The following BEAN1 variants were observed in gnomAD, a reference collection of about 807,000 sequenced individuals.
The protein encoded by BEAN1 is protein BEAN1.
In BEAN1, 17 loss-of-function variants were observed where a neutral mutation model predicts 17.7. The ratio of observed to expected loss-of-function variants is 0.96; its 90% CI spans 0.66 to 1.44. The LOEUF (loss-of-function observed/expected upper bound fraction) is 1.44, where lower values mean the gene tolerates loss of function less well. Among genes scored for constraint, BEAN1 ranks in the 40% most tolerant of loss-of-function variants. The probability of loss-of-function intolerance (pLI) is 0.00; values close to 1 mark genes in which losing one functional copy is unlikely to be tolerated. For synonymous variants in BEAN1, 142 were observed against 151.8 expected (o/e 0.94, Z 0.47); for missense variants, 359 against 374.1 (o/e 0.96, Z 0.33).
intron 2 of BEAN1, chr16:66,438,011 T>C (rs1962098218): frequency 6.7e-6 from 3 of 447,672 alleles, no homozygotes; most frequent in Admixed American, 3.6e-5. Flanking sequence ...AAAGACTACA[T>C]GGCCAAGTAA....
chr16:66,482,894 T>C, downstream of BEAN1: 2 of 456,276 alleles, frequency 4.4e-6, no homozygotes, highest in Non-Finnish European at 8.8e-6. Context: ...TCTCACTCAG[T>C]CGCCTACGCT....
downstream of BEAN1, among the ~76,000 whole-genome samples, chr16:66,487,657 C>T (rs1363635643): frequency 6.6e-6 from 1 of 152,188 alleles, no homozygotes; most frequent in Non-Finnish European, 1.5e-5. Flanking sequence ...CTCTGAGCAA[C>T]TAAGCTCTGC....
intron 4 of BEAN1, 107 bp from the exon 5 acceptor site, chr16:66,480,478 TG>T: frequency 1.1e-6 from 1 of 910,268 alleles, no homozygotes; most frequent in Non-Finnish European, 1.6e-6. Flanking sequence ...AGGCCCACCC[TG>T]GTCCACAGCC....
chr16:66,464,905 T>C (rs1963210955), intron 2 of BEAN1, among the ~76,000 whole-genome samples: 1 of 152,206 alleles, frequency 6.6e-6, no homozygotes, highest in Non-Finnish European at 1.5e-5. Flanking sequence ...CTTGCCTAAA[T>C]TGCCCTGGCT....
rs866322986 is a variant in BEAN1 at position 66,434,955 on chromosome 16, T to C, written c.-82-2640T>C. On this transcript the variant is annotated intron_variant, in intron 1 of 4. Transcript: ENST00000536005. The surrounding 1 kb of genome is among the most constrained non-coding windows in gnomAD (Gnocchi z 4.3). ...CGAGGAGCTACTGGTCTAGAATAAT[T>C]TAGATCCGGAGTTGTCCTGGAAGGG... Among the ~76,000 whole-genome samples the C allele has an allele frequency of 6.6e-6, 1 of 152,044 alleles. No individual in the cohort carries two copies. Among genetic ancestry groups the C allele is most frequent in the Non-Finnish European group, 1.5e-5 (1 of 68,012 alleles).
At chr16:66,480,153 G>C (rs570106730) in intron 4 of BEAN1, among the ~76,000 whole-genome samples, 1 of 152,132 alleles carries the variant, frequency 6.6e-6, no homozygotes, top group Admixed American at 6.5e-5. Context: ...GCATCTGTGG[G>C]TTCAGAGGGG....
chr16:66,469,959 G>T, intron 3 of BEAN1, 94 bp downstream of exon 3: 1 of 1,448,118 alleles, frequency 6.9e-7, no homozygotes, highest in Non-Finnish European at 9.2e-7. Flanking sequence ...GCCCTGGGTG[G>T]AGCAGGGTGG....
At chr16:66,467,577 A>G (rs1334081331) in intron 2 of BEAN1, among the ~76,000 whole-genome samples, 1 of 152,202 alleles carries the variant, frequency 6.6e-6, no homozygotes, top group Non-Finnish European at 1.5e-5. Context: ...AGGGATTACA[A>G]TTAAAGGTGA....
chr16:66,495,018 A>G (rs1964226501), downstream of BEAN1, among the ~76,000 whole-genome samples: 1 of 152,212 alleles, frequency 6.6e-6, no homozygotes, highest in Non-Finnish European at 1.5e-5. Context: ...AGGTCCCTTC[A>G]GGGTGCAAAG....
chr16:66,448,202 T>A (rs142360082), intron 2 of BEAN1, among the ~76,000 whole-genome samples: 15 of 142,508 alleles, frequency 1.1e-4, no homozygotes, highest in African/African-American at 4.0e-4. Context: ...AGAGATGCTC[T>A]AGGGTTTGCT....
Position 66,476,604 on chromosome 16 carries a change from T to A in BEAN1, c.290-956T>A, listed in dbSNP as rs1338577856. ...CTGTTCCCATCCAGGACGATACATG[T>A]CAGAAACTGGGCTGTAGAGAGCTTA... On this transcript the variant is annotated intron_variant, in intron 3 of 4. Coordinates refer to ENST00000536005, the MANE Select transcript of BEAN1 (RefSeq NM_001178020.3). Among the ~76,000 whole-genome samples the A allele has an allele frequency of 2.6e-5, 4 of 152,170 alleles. No homozygotes were observed. The East Asian group carries it at 7.7e-4, about 29-fold the overall frequency.
intron 2 of BEAN1, among the ~76,000 whole-genome samples, chr16:66,452,788 A>C (rs932079425): frequency 3.4e-5 from 5 of 145,126 alleles, no homozygotes; most frequent in Non-Finnish European, 6.1e-5. Flanking sequence ...TGGCAGACTC[A>C]CTTACCCCAA....
rs560769176 is a variant in BEAN1, at chr16:66,469,653, C to T, written c.77C>T (p.Ser26Leu). The T allele has an allele frequency of 6.5e-6, 10 of 1,535,966 alleles. No homozygotes were observed. The highest frequency in any genetic ancestry group is 3.6e-5 in the South Asian group (3 of 84,048). Residue 26 changes from serine to leucine, a missense_variant, in exon 3 of 5, where the codon TCG (serine) becomes TTG (leucine). Transcript: ENST00000536005. The part of the protein sequence containing the change: ...SYFYPTFSES[S>L]EHSHLLVSPV... ...TTCTACCCCACATTCTCAGAGAGCTCGGAGCACAGCCATCTGCTCGTGTCC... is the reference window on the plus strand; with the variant it reads ...TTCTACCCCACATTCTCAGAGAGCTTGGAGCACAGCCATCTGCTCGTGTCC...
chr16:66,489,107 G>A (rs1313927649), intron 4 of BEAN1, among the ~76,000 whole-genome samples: 1 of 152,020 alleles, frequency 6.6e-6, no homozygotes, highest in Non-Finnish European at 1.5e-5. Context: ...AGGAGGTGGA[G>A]GTAGCAGTGA....
Position 66,434,805 on chromosome 16 carries a change from C to T in BEAN1, c.-82-2790C>T, listed in dbSNP as rs1961952204. On this transcript the variant is annotated intron_variant, in intron 1 of 4. Coordinates refer to ENST00000536005, the MANE Select transcript of BEAN1 (RefSeq NM_001178020.3). The surrounding 1 kb of genome is among the most constrained non-coding windows in gnomAD (Gnocchi z 4.3). ...GCACCTTTGAAAGGCAGCCTCCACC[C>T]CTCAGTCGTGCGCTTGCATCAGGCT... is the stretch of plus-strand genomic sequence containing the variant. 6.6e-6 allele frequency among the ~76,000 whole-genome samples: 1 copy of T among 152,150 alleles called. No individual in the cohort carries two copies. The highest frequency in any genetic ancestry group is 2.1e-4 in the South Asian group (1 of 4,830).
At chr16:66,460,140 G>A (rs977482623) in intron 2 of BEAN1, among the ~76,000 whole-genome samples, 1 of 152,212 alleles carries the variant, frequency 6.6e-6, no homozygotes, top group African/African-American at 2.4e-5. Context: ...AGAGACACAG[G>A]CCCCACCCTC....
In BEAN1 at chr16:66,477,643, G is replaced by A; in HGVS notation, c.373G>A (p.Asp125Asn). ...SSSEDWPPPL[D>N]ISSDGDVDAT... The stretch of plus-strand genomic sequence containing the variant: ...CTCAGAGGACTGGCCCCCACCCTTG[G>A]ACATCAGCTCTGACGGGGACGTGGA... Residue 125 changes from aspartate (D) to asparagine (N), a missense_variant, in exon 4 of 5, where the codon GAC becomes AAC. Asp to Asn is a conservative substitution (Grantham distance 23). Coordinates refer to ENST00000536005, the MANE Select transcript of BEAN1 (RefSeq NM_001178020.3). 6.4e-7 allele frequency: 1 copy of A among 1,551,088 alleles called. No homozygotes were observed. Among genetic ancestry groups the A allele is most frequent in the East Asian group, 2.4e-5 (1 of 40,850 alleles).
intron 2 of BEAN1, among the ~76,000 whole-genome samples, chr16:66,458,436 C>T (rs1213115727): frequency 6.6e-6 from 1 of 152,198 alleles, no homozygotes; most frequent in East Asian, 1.9e-4. Context: ...CCCTCCCCTC[C>T]CACCCTGGAG....
chr16:66,446,457 T>C (rs2142392601), intron 2 of BEAN1, among the ~76,000 whole-genome samples: 1 of 152,098 alleles, frequency 6.6e-6, no homozygotes, highest in Non-Finnish European at 1.5e-5. Context: ...AGATGCAGAG[T>C]TTTGACATGT....
Sources: gnomAD v4.1 joint callset for allele counts (sites outside exome capture counted in the v4.1 genomes callset) on GRCh38, gnomAD v4.1.1 for gene constraint, Gnocchi (gnomAD v3.1) non-coding constraint, MANE v1.5 for transcripts, NCBI Gene and HGNC (gene_info 2026-07-23, HGNC 2026-07-21) for gene names.